The following PIK3CD variants were observed in gnomAD, a reference collection of about 807,000 sequenced individuals.
PIK3CD encodes the protein phosphatidylinositol 4,5-bisphosphate 3-kinase catalytic subunit delta isoform.
A neutral mutation model predicts 122.9 loss-of-function variants in PIK3CD; 20 were observed. The observed-to-expected ratio is 0.16, with a 90% confidence interval of 0.11 to 0.24. The LOEUF (loss-of-function observed/expected upper bound fraction) is 0.24, where lower values mean the gene tolerates loss of function less well. PIK3CD is among the 10% of genes least tolerant of loss of function. The probability of loss-of-function intolerance (pLI) is 1.00; values close to 1 mark genes in which losing one functional copy is unlikely to be tolerated. For synonymous variants in PIK3CD, 596 were observed against 593.4 expected (o/e 1.00, Z -0.06); for missense variants, 787 against 1,406.3 (o/e 0.56, Z 7.04).
intron 1 of PIK3CD, among the ~76,000 whole-genome samples, chr1:9,676,758 C>T (rs1045018144): frequency 3.3e-5 from 5 of 152,306 alleles, no homozygotes; most frequent in South Asian, 4.1e-4. Flanking sequence ...TGGCTGCCTT[C>T]GGGGCTTGTC....
intron 1 of PIK3CD, among the ~76,000 whole-genome samples, chr1:9,661,154 C>T (rs927840206): frequency 1.3e-5 from 2 of 152,038 alleles, no homozygotes; most frequent in Non-Finnish European, 2.9e-5. Context: ...AGGCTGGTCT[C>T]GAACTCTTGA....
chr1:9,645,271 G>A, the PIK3CD span, among the ~76,000 whole-genome samples: 4 of 151,618 alleles, frequency 2.6e-5, no homozygotes, highest in African/African-American at 7.3e-5. Flanking sequence ...CACCTGCCTC[G>A]GCCTCCCAAA....
In PIK3CD at chr1:9,724,247, A is replaced by G. The variant is rs1278967366; in HGVS notation, c.2719-29A>G. On this transcript the variant is annotated intron_variant, in intron 21 of 23. Transcript: ENST00000377346. This position sits in a 1 kb window ranked among gnomAD's most constrained non-coding sequence, Gnocchi z 7.3. ...TTCTCTCCTGTCTGACACCTTCTCA[A>G]TCCTCCCCCTCCTCTCCCCTCCCCT... The G allele has an allele frequency of 5.0e-6, 8 of 1,613,354 alleles. No homozygotes were observed. The highest frequency in any genetic ancestry group is 3.3e-5 in the Admixed American group (2 of 59,952).
intron 1 of PIK3CD, among the ~76,000 whole-genome samples, chr1:9,658,385 CAAA>C (rs58808659): frequency 1.1e-4 from 9 of 81,576 alleles, no homozygotes; most frequent in Admixed American, 2.6e-4. Context: ...GACCCTGTCT[CAAA>C]AAAAAAAAAA....
intron 1 of PIK3CD, among the ~76,000 whole-genome samples, chr1:9,669,785 T>C (rs143045083): frequency 6.6e-6 from 1 of 152,236 alleles, no homozygotes; most frequent in East Asian, 1.9e-4. Flanking sequence ...ATCAGGATAT[T>C]GGTCTCAAAT....
At chr1:9,647,172 G>T (rs1163496491), upstream of PIK3CD, among the ~76,000 whole-genome samples, 1 of 151,368 alleles carries the variant, frequency 6.6e-6, no homozygotes, top group Non-Finnish European at 1.5e-5. Context: ...CCAACACTTT[G>T]GGAGGCTGAG....
At chr1:9,697,178 C>T (rs1646452356) in intron 2 of PIK3CD, among the ~76,000 whole-genome samples, 1 of 151,660 alleles carries the variant, frequency 6.6e-6, no homozygotes, top group Non-Finnish European at 1.5e-5. Flanking sequence ...TCAAGACTAG[C>T]CTGGGCAACA....
At chr1:9,638,671 G>A in the PIK3CD span, among the ~76,000 whole-genome samples, 1 of 139,356 alleles carries the variant, frequency 7.2e-6, no homozygotes, top group Non-Finnish European at 1.5e-5. Context: ...GGCGGAGCTT[G>A]CAGTGAGCCG....
rs775936372 is a variant in PIK3CD at position 9,716,978 on chromosome 1, A to G, written c.800A>G (p.His267Arg). Residue 267 changes from histidine to arginine, a missense_variant, in exon 7 of 24, where the codon CAC (histidine) becomes CGC (arginine). Coordinates refer to ENST00000377346, the MANE Select transcript of PIK3CD (RefSeq NM_005026.5). The part of the protein sequence containing the change: ...CQFQYICSCL[H>R]SGLTPHLTMV... ...TCTCAGTACATCTGCAGCTGCCTGC[A>G]CAGTGGGTTGACCCCTCACCTGACC... 6 of 1,613,826 alleles carry G rather than the reference A, an allele frequency of 3.7e-6. No individual in the cohort carries two copies. In the Admixed American group the frequency reaches 8.3e-5, roughly 22 times the overall value.
intron 1 of PIK3CD, chr1:9,654,286 G>A (rs372172762): frequency 7.1e-5 from 97 of 1,367,614 alleles, no homozygotes; most frequent in Non-Finnish European, 8.7e-5. Context: ...GCGTTTCTGC[G>A]TTTCTGCAGC....
Position 9,700,946 on chromosome 1 carries a change from C to T in PIK3CD, c.-33+9375C>T, listed in dbSNP as rs1400075639. ...TTCCGTTGCTCTCCAGTGCTGTCTC[C>T]TTCTGGGTCAAGCCACTGTCATTAG... On this transcript the variant is annotated intron_variant, in intron 2 of 23. Transcript: ENST00000377346. This position sits in a 1 kb window ranked among gnomAD's most constrained non-coding sequence, Gnocchi z 5.1. Among the ~76,000 whole-genome samples, 1 of 152,254 alleles carries T rather than the reference C, an allele frequency of 6.6e-6. No homozygotes were observed. Among genetic ancestry groups the T allele is most frequent in the Admixed American group, 6.5e-5 (1 of 15,290 alleles).
chr1:9,651,255 A>G (rs1370296202), upstream of PIK3CD, among the ~76,000 whole-genome samples: 1 of 152,156 alleles, frequency 6.6e-6, no homozygotes. Context: ...GCGAAGAAGT[A>G]TATTTTGGGG....
chr1:9,675,317 C>T (rs1256392504), intron 1 of PIK3CD, among the ~76,000 whole-genome samples: 10 of 135,240 alleles, frequency 7.4e-5, no homozygotes, highest in Non-Finnish European at 1.2e-4. Context: ...ACCTGGGAGG[C>T]GGAGCTTGCA....
chr1:9,706,939 C>T lies in PIK3CD; in HGVS notation c.-32-3485C>T, dbSNP rs147070194. Among the ~76,000 whole-genome samples, 357 of 151,314 alleles carry T rather than the reference C, an allele frequency of 2.4e-3. 1 individual carries two copies. Among genetic ancestry groups the T allele is most frequent in the African/African-American group, 7.9e-3 (326 of 41,202 alleles). ...TTCCACCTCAGCTTCCAAGTAGCTGCGACTACAGGCACGCTCCACCATGCT... is the reference window on the plus strand; with the variant it reads ...TTCCACCTCAGCTTCCAAGTAGCTGTGACTACAGGCACGCTCCACCATGCT... On this transcript the variant is annotated intron_variant, in intron 2 of 23. Coordinates refer to ENST00000377346, the MANE Select transcript of PIK3CD (RefSeq NM_005026.5).
At position 9,700,254 on chromosome 1, in the gene PIK3CD, C is replaced by T. The variant is rs1464807982; in HGVS notation, c.-33+8683C>T. Among the ~76,000 whole-genome samples the T allele has an allele frequency of 6.6e-6, 1 of 152,062 alleles. No homozygotes were observed. Among genetic ancestry groups the T allele is most frequent in the Non-Finnish European group, 1.5e-5 (1 of 68,012 alleles). Reference sequence around the variant, plus strand: ...CAAGTGATTCTCGTGGCTCAGCCTCCCAATAGCTGAGGTCAGATCCCTCAG... The same window carrying T: ...CAAGTGATTCTCGTGGCTCAGCCTCTCAATAGCTGAGGTCAGATCCCTCAG... On this transcript the variant is annotated intron_variant, in intron 2 of 23. Transcript: ENST00000377346. The surrounding 1 kb of genome is among the most constrained non-coding windows in gnomAD (Gnocchi z 5.1).
intron 3 of PIK3CD, among the ~76,000 whole-genome samples, chr1:9,711,903 CTT>C (rs1235810173): frequency 2.0e-5 from 3 of 146,742 alleles, no homozygotes; most frequent in South Asian, 2.2e-4. Flanking sequence ...ATCTCTTTTT[CTT>C]TTTTTTTTTG....
chr1:9,693,099 A>C (rs1646267352), intron 2 of PIK3CD, among the ~76,000 whole-genome samples: 1 of 152,194 alleles, frequency 6.6e-6, no homozygotes, highest in Admixed American at 6.5e-5. Context: ...ACATACAAGC[A>C]TACTCGTCTA....
Position 9,727,782 on chromosome 1 carries a change from G to T in PIK3CD, c.*736G>T, listed in dbSNP as rs1135427. 0.46 allele frequency: 91,839 copies of T among 198,204 alleles called. 23,654 individuals carry two copies. Among genetic ancestry groups the T allele is most frequent in the Non-Finnish European group, 0.56 (53,979 of 95,960 alleles). The allele number at this position is 198,204 out of a possible 1,614,324, so 12.3% of individuals were successfully genotyped here. ...ATGAAGGCAAAAGCAGGTCAGAAGC[G>T]AATACTCTGCCATTATCTCAAAAAT... On this transcript the variant is annotated 3_prime_UTR_variant, in exon 24 of 24. Transcript: ENST00000377346.
intron 1 of PIK3CD, chr1:9,653,537 A>C (rs1286688862): frequency 7.1e-6 from 2 of 283,008 alleles, no homozygotes; most frequent in South Asian, 3.2e-5. Context: ...CTTGGGGGGG[A>C]TTTGGAGGGG....
Sources: allele counts gnomAD v4.1 joint callset (sites outside exome capture counted in the v4.1 genomes callset), GRCh38; gene constraint gnomAD v4.1.1; non-coding constraint Gnocchi (gnomAD v3.1); transcripts MANE v1.5; gene names NCBI Gene and HGNC (gene_info 2026-07-23, HGNC 2026-07-21).